PPFIA2: variants seen among roughly 807,000 people sequenced by gnomAD.
PPFIA2 encodes PPFI scaffold protein A2.
In PPFIA2, 46 loss-of-function variants were observed where a neutral mutation model predicts 175.5. The observed-to-expected ratio is 0.26, with a 90% CI of 0.21 to 0.34. The LOEUF (loss-of-function observed/expected upper bound fraction) is 0.34. PPFIA2 is among the 10% of genes least tolerant of loss of function. The pLI, the probability that PPFIA2 is intolerant of heterozygous loss-of-function variation, is 1.00. For synonymous variants in PPFIA2, 568 were observed against 511.4 expected (o/e 1.11, Z -1.49); for missense variants, 1,179 against 1,506.1 (o/e 0.78, Z 3.60).
intron 21 of PPFIA2, among the ~76,000 whole-genome samples, chr12:81,327,329 T>C (rs1425427839): frequency 6.6e-6 from 1 of 152,084 alleles, no homozygotes; most frequent in Non-Finnish European, 1.5e-5. Context: ...GAAAGATTTT[T>C]CTTCTTGGTA....
chr12:81,362,813 T>C (rs1595575009), intron 14 of PPFIA2, 29 bp from the exon 15 acceptor site: 1 of 1,351,220 alleles, frequency 7.4e-7, no homozygotes, highest in Non-Finnish European at 1.0e-6. Flanking sequence ...GTTACTCAGA[T>C]GCCAGTAATA....
At chr12:81,323,165 A>G (rs1352928273) in intron 22 of PPFIA2, among the ~76,000 whole-genome samples, 1 of 152,036 alleles carries the variant, frequency 6.6e-6, no homozygotes, top group East Asian at 1.9e-4. Flanking sequence ...TTAAATTTAA[A>G]GTTACAGACT....
At chr12:81,429,313 A>G (rs2047693847) in intron 7 of PPFIA2, among the ~76,000 whole-genome samples, 1 of 152,088 alleles carries the variant, frequency 6.6e-6, no homozygotes, top group Non-Finnish European at 1.5e-5. Flanking sequence ...TCTTATTTTT[A>G]GGATTCTGAA....
intron 4 of PPFIA2, among the ~76,000 whole-genome samples, chr12:81,514,107 T>G (rs973397992): frequency 6.6e-6 from 1 of 151,962 alleles, no homozygotes. Flanking sequence ...TCTGCCTCAC[T>G]AGAACTTCCA....
At chr12:81,461,081 T>A (rs754969905) in intron 4 of PPFIA2, among the ~76,000 whole-genome samples, 1 of 152,124 alleles carries the variant, frequency 6.6e-6, no homozygotes, top group Non-Finnish European at 1.5e-5. Flanking sequence ...TTAAACCAAC[T>A]TTAACTTTCA....
At chr12:81,333,905 A>G (rs2056619712) in intron 21 of PPFIA2, among the ~76,000 whole-genome samples, 1 of 152,088 alleles carries the variant, frequency 6.6e-6, no homozygotes, top group South Asian at 2.1e-4. Context: ...ACGTTACTCC[A>G]CTCATCAGTG....
chr12:81,301,413 C>A (rs1176256439), intron 22 of PPFIA2, among the ~76,000 whole-genome samples: 1 of 152,080 alleles, frequency 6.6e-6, no homozygotes, highest in Non-Finnish European at 1.5e-5. Flanking sequence ...ACCTAAGGAG[C>A]ACGTAACATT....
intron 4 of PPFIA2, among the ~76,000 whole-genome samples, chr12:81,670,540 C>T (rs935686199): frequency 2.0e-4 from 31 of 151,880 alleles, no homozygotes; most frequent in African/African-American, 7.2e-4. Context: ...ATCTTATCTC[C>T]TTAAAATAAT....
intron 4 of PPFIA2, among the ~76,000 whole-genome samples, chr12:81,668,087 T>C (rs530170455): frequency 5.3e-5 from 8 of 152,192 alleles, no homozygotes; most frequent in South Asian, 4.1e-4. Context: ...ACACAGATCA[T>C]TGACATAGGC....
chr12:81,329,834 G>A (rs2139974232), intron 21 of PPFIA2, among the ~76,000 whole-genome samples: 1 of 152,312 alleles, frequency 6.6e-6, no homozygotes, highest in South Asian at 2.1e-4. Context: ...CGGTAACTGA[G>A]AACATTTCGA....
chr12:81,714,452 T>C (rs926788104), intron 3 of PPFIA2, among the ~76,000 whole-genome samples: 10 of 151,134 alleles, frequency 6.6e-5, no homozygotes, highest in Admixed American at 6.1e-4. Context: ...TTAGGCTTGA[T>C]ATTCCTATTT....
intron 9 of PPFIA2, among the ~76,000 whole-genome samples, chr12:81,378,961 T>C (rs950747861): frequency 6.6e-6 from 1 of 152,140 alleles, no homozygotes; most frequent in Non-Finnish European, 1.5e-5. Flanking sequence ...TGGTGTCTCA[T>C]GCAGAAAACA....
Position 81,493,787 on chromosome 12 carries a change from T to TATATATATACAC in PPFIA2, c.304-35922_304-35921insGTGTATATATAT, listed in dbSNP as rs1491517743. Among the ~76,000 whole-genome samples the TATATATATACAC allele has an allele frequency of 7.8e-5, 10 of 128,350 alleles. No individual in the cohort carries two copies. In the Admixed American group the frequency reaches 7.9e-4, roughly 10 times the overall value. The allele number at this position is 128,350 out of a possible 152,430, so 84.2% of individuals were successfully genotyped here. On this transcript the variant is annotated intron_variant, in intron 4 of 32. Transcript: ENST00000549396. ...ATATATATATATATATATATATATATACACATTGGAAAAAATAACAGCATT... is the reference window on the plus strand; with the variant it reads ...ATATATATATATATATATATATATATATATATATACACACACATTGGAAAAAATAACAGCATT...
At chr12:81,456,002 C>T (rs1275216458) in intron 5 of PPFIA2, among the ~76,000 whole-genome samples, 1 of 152,172 alleles carries the variant, frequency 6.6e-6, no homozygotes, top group Non-Finnish European at 1.5e-5. Context: ...AAAAGAGTGT[C>T]TGGTGCATTT....
At chr12:81,431,515 CA>C (rs2048090101) in intron 7 of PPFIA2, 1 of 152,104 alleles carries the variant, frequency 6.6e-6, no homozygotes, top group South Asian at 2.1e-4. Context: ...AAAATTACAA[CA>C]CATTTTCATT....
At chr12:81,657,162 T>C (rs1424705560) in intron 4 of PPFIA2, among the ~76,000 whole-genome samples, 2 of 152,182 alleles carry the variant, frequency 1.3e-5, no homozygotes. Flanking sequence ...AGATGAGTGC[T>C]CCTTAACACA....
intron 4 of PPFIA2, among the ~76,000 whole-genome samples, chr12:81,484,909 A>G (rs2058655569): frequency 1.3e-5 from 2 of 151,932 alleles, no homozygotes; most frequent in South Asian, 4.1e-4. Context: ...TCAGTAATTC[A>G]AAGAAAGTGA....
intron 24 of PPFIA2, among the ~76,000 whole-genome samples, chr12:81,293,933 C>T (rs771817921): frequency 5.3e-5 from 8 of 152,158 alleles, no homozygotes; most frequent in Non-Finnish European, 1.2e-4. Flanking sequence ...AATGTATATA[C>T]ACACCATGGA....
At chr12:81,465,374 A>T (rs556556390) in intron 4 of PPFIA2, 1 of 152,270 alleles carries the variant, frequency 6.6e-6, no homozygotes, top group South Asian at 2.1e-4. Flanking sequence ...ACAAAAAAGC[A>T]TCTTTTAAGT....
Sources: gnomAD v4.1 joint callset for allele counts (sites outside exome capture counted in the v4.1 genomes callset) on GRCh38, gnomAD v4.1.1 for gene constraint, MANE v1.5 for transcripts, NCBI Gene and HGNC (gene_info 2026-07-23, HGNC 2026-07-21) for gene names.